Variants in TEX14 observed in about 807,000 individuals in gnomAD.
TEX14 encodes the protein inactive serine/threonine-protein kinase TEX14.
Under a neutral mutation model 178.6 loss-of-function variants are expected in TEX14, and 168 were observed. That is an observed-to-expected ratio of 0.94 (90% CI 0.83 to 1.07). TEX14 has a LOEUF of 1.07. Among genes scored for constraint, TEX14 ranks in the 50% least tolerant of loss-of-function variants. The probability of loss-of-function intolerance (pLI) is 0.00; values close to 1 mark genes in which losing one functional copy is unlikely to be tolerated. For synonymous variants in TEX14, 626 were observed against 634.1 expected (o/e 0.99, Z 0.19); for missense variants, 1,730 against 1,753.6 (o/e 0.99, Z 0.24).
intron 14 of TEX14, among the ~76,000 whole-genome samples, chr17:58,596,140 G>A (rs925022041): frequency 6.6e-6 from 1 of 151,982 alleles, no homozygotes; most frequent in Non-Finnish European, 1.5e-5. Context: ...CTGAGATGGT[G>A]CCACTGCACT....
intron 3 of TEX14, among the ~76,000 whole-genome samples, chr17:58,628,349 C>T (rs866869487): frequency 7.9e-5 from 12 of 152,152 alleles, no homozygotes; most frequent in South Asian, 6.2e-4. Context: ...GAGACTGAGG[C>T]GGGCGGACCA....
At chr17:58,574,675 CAAAA>C (rs1177255314) in intron 21 of TEX14, among the ~76,000 whole-genome samples, 1 of 43,890 alleles carries the variant, frequency 2.3e-5, no homozygotes, top group Non-Finnish European at 4.0e-5. Context: ...ACTCCATCTC[CAAAA>C]AAAAAAAAAA....
chr17:58,585,197 G>A (rs1358485676), intron 18 of TEX14, among the ~76,000 whole-genome samples: 2 of 152,110 alleles, frequency 1.3e-5, no homozygotes, highest in African/African-American at 4.8e-5. Context: ...AAGAAGGATC[G>A]ATTCCTCGCC....
chr17:58,691,236 G>T (rs2047711145), intron 1 of TEX14, among the ~76,000 whole-genome samples: 1 of 152,072 alleles, frequency 6.6e-6, no homozygotes, highest in Non-Finnish European at 1.5e-5. Context: ...GCATGGCTAT[G>T]GCCATTTGAA....
At chr17:58,595,750 A>G (rs2045264101) in intron 14 of TEX14, among the ~76,000 whole-genome samples, 1 of 152,254 alleles carries the variant, frequency 6.6e-6, no homozygotes, top group Admixed American at 6.5e-5. Context: ...CATGTGGAAC[A>G]GAAGATCCAC....
At chr17:58,636,744 C>G (rs1327654868) in intron 2 of TEX14, among the ~76,000 whole-genome samples, 1 of 151,852 alleles carries the variant, frequency 6.6e-6, no homozygotes. Context: ...GAAACCCTGT[C>G]TCTACTAAAA....
At position 58,611,331 on chromosome 17, in the gene TEX14, C is replaced by T. The variant is rs1183257078; in HGVS notation, c.1014G>A (p.Gln338=). The T allele has an allele frequency of 6.2e-7, 1 of 1,611,602 alleles. No homozygotes were observed. Among genetic ancestry groups the T allele is most frequent in the Non-Finnish European group, 8.5e-7 (1 of 1,178,570 alleles). Residue 338 remains glutamine (Q), a synonymous_variant, in exon 10 of 32, where the codon CAG becomes CAA. Transcript: ENST00000349033. ...LFSVLHERRS[Q]FPVLHMEVIV... ...TCACCTCCATGTGCAGCACTGGGAA[C>T]TGGGACCGCTGCAAGCAAGAGATGA...
In TEX14 at chr17:58,616,226, T is replaced by G; in HGVS notation, c.716A>C (p.Asp239Ala). The change falls in exon 7 of 32, where the codon GAT (aspartate) becomes GCT (alanine). Residue 239 changes from aspartate to alanine, a missense_variant. By Grantham distance (126) the Asp-to-Ala change is moderately radical (BLOSUM62 -2). Around this residue, in one of 2 missense-constraint regions of TEX14, gnomAD observed 789 missense variants for 681.2 expected, o/e 1.16. Transcript: ENST00000349033. ...VIGEKEVIQA[D>A]DEPTFSFFSG... is the part of the protein sequence containing the mutation. ...GAAGAAAGAGAAGGTGGGCTCATCATCAGCTTGAATCACTTCCTTTTCTCC... is the reference window on the plus strand; with the variant it reads ...GAAGAAAGAGAAGGTGGGCTCATCAGCAGCTTGAATCACTTCCTTTTCTCC... The G allele has an allele frequency of 1.9e-6, 3 of 1,614,014 alleles. No individual in the cohort carries two copies. Among genetic ancestry groups the G allele is most frequent in the Non-Finnish European group, 1.7e-6 (2 of 1,179,946 alleles).
rs2044144981 is a variant in TEX14, at chr17:58,556,820, A to T, written c.*191T>A. 1 of 491,226 alleles carries T rather than the reference A, an allele frequency of 2.0e-6. No homozygotes were observed. Among genetic ancestry groups the T allele is most frequent in the Non-Finnish European group, 3.6e-6 (1 of 274,312 alleles). The allele number at this position is 491,226 out of a possible 1,614,324, so 30.4% of individuals were successfully genotyped here. On this transcript the variant is annotated 3_prime_UTR_variant, in exon 32 of 32. Transcript: ENST00000349033. ...CTCTCACTTTTCAGAAATCTGACTG[A>T]AAACAAATGGTTGAATGTGCTGCTA...
chr17:58,677,584 T>G (rs772380304), intron 1 of TEX14: 1 of 152,162 alleles, frequency 6.6e-6, no homozygotes, highest in Non-Finnish European at 1.5e-5. Context: ...CAGGGGAAAG[T>G]GTGAACACAG....
At chr17:58,593,073 C>T (rs1269673785) in intron 15 of TEX14, among the ~76,000 whole-genome samples, 1 of 152,018 alleles carries the variant, frequency 6.6e-6, no homozygotes, top group Non-Finnish European at 1.5e-5. Flanking sequence ...CAAACACACA[C>T]ACACTCTTCT....
chr17:58,570,086 C>T (rs1409512467), intron 25 of TEX14, among the ~76,000 whole-genome samples: 1 of 151,718 alleles, frequency 6.6e-6, no homozygotes, highest in Non-Finnish European at 1.5e-5. Flanking sequence ...GGGAATAAAG[C>T]AGTCCAGAAC....
At position 58,577,442 on chromosome 17, in the gene TEX14, G is replaced by T; in HGVS notation, c.3253C>A (p.Gln1085Lys). 6.8e-7 allele frequency: 1 copy of T among 1,475,216 alleles called. No individual in the cohort carries two copies. 91.4% of individuals were successfully genotyped at this position (1,475,216 alleles called of 1,614,324 possible). A position where few individuals can be genotyped will look rare whatever the true frequency, so the allele number is the denominator to read the frequency against. Residue 1085 changes from glutamine to lysine, a missense_variant, in exon 21 of 32, where the codon CAA becomes AAA. By Grantham distance (53) the Gln-to-Lys change is moderately conservative. Transcript: ENST00000349033. ...TTCTTTCCAAGAATTTTTCTCATTTGGAACTTTTCCTCACCTGAAAGAATA... is the reference window on the plus strand; with the variant it reads ...TTCTTTCCAAGAATTTTTCTCATTTTGAACTTTTCCTCACCTGAAAGAATA... ...QPQVSGEEKF[Q>K]MRKILGKNAE...
In TEX14 at chr17:58,617,524, T is replaced by A. The variant is rs372479271; in HGVS notation, c.636+14A>T. 1.9e-6 allele frequency: 3 copies of A among 1,607,944 alleles called. No homozygotes were observed. In the African/African-American group the frequency reaches 4.0e-5, roughly 22 times the overall value. On this transcript the variant is annotated intron_variant, in intron 6 of 31. Coordinates refer to ENST00000349033, the MANE Select transcript of TEX14 (RefSeq NM_031272.5). Reference sequence around the variant, plus strand: ...TAGTCCTGCAAACACTGGCTGTCAGTGGCAACCTCTTACCTTCCCAAAACC... The same window carrying A: ...TAGTCCTGCAAACACTGGCTGTCAGAGGCAACCTCTTACCTTCCCAAAACC...
chr17:58,642,318 A>T (rs754954783), intron 2 of TEX14, among the ~76,000 whole-genome samples: 8 of 152,160 alleles, frequency 5.3e-5, no homozygotes, highest in Non-Finnish European at 1.2e-4. Flanking sequence ...CACAAATGTG[A>T]CCATCAGGTT....
intron 8 of TEX14, among the ~76,000 whole-genome samples, chr17:58,614,918 G>A (rs891200302): frequency 6.6e-6 from 1 of 152,182 alleles, no homozygotes; most frequent in Non-Finnish European, 1.5e-5. Flanking sequence ...CAAAGTGGGT[G>A]GACTCAGGGA....
At position 58,569,468 on chromosome 17, in the gene TEX14, T is replaced by C. The variant is rs1013678726; in HGVS notation, c.3818-208A>G. The stretch of plus-strand genomic sequence containing the variant: ...TACTCCCCACTTCTACCCCAATCCC[T>C]TTCCTTTCCTACATCAGCCCTTACC... On this transcript the variant is annotated intron_variant, in intron 25 of 31. Coordinates refer to ENST00000349033, the MANE Select transcript of TEX14 (RefSeq NM_031272.5). This position sits in a 1 kb window ranked among gnomAD's most constrained non-coding sequence, Gnocchi z 4.1. Among the ~76,000 whole-genome samples the C allele has an allele frequency of 2.0e-5, 3 of 152,132 alleles. No homozygotes were observed. Among genetic ancestry groups the C allele is most frequent in the Non-Finnish European group, 4.4e-5 (3 of 68,012 alleles).
At chr17:58,573,047 TTTTGGCCCTAA>T in intron 23 of TEX14, 123 bp downstream of exon 23, 1 of 1,265,698 alleles carries the variant, frequency 7.9e-7, no homozygotes. Flanking sequence ...GATTACCCAG[TTTTGGCCCTAA>T]AGAAAAACCT....
chr17:58,616,200 T>C lies in TEX14; in HGVS notation c.742A>G (p.Ser248Gly), dbSNP rs372057202. Residue 248 changes from serine (S) to glycine (G), a missense_variant, in exon 7 of 32, where the codon AGC becomes GGC. Ser to Gly is a moderately conservative substitution (Grantham distance 56). Around this residue, in one of 2 missense-constraint regions of TEX14, gnomAD observed 789 missense variants for 681.2 expected, o/e 1.16. Coordinates refer to ENST00000349033, the MANE Select transcript of TEX14 (RefSeq NM_031272.5). ...ADDEPTFSFF[S>G]GPYMVMTNLV... The stretch of plus-strand genomic sequence containing the variant: ...TTGGTCATGACCATGTAGGGGCCGC[T>C]GAAGAAAGAGAAGGTGGGCTCATCA... 1.2e-6 allele frequency: 2 copies of C among 1,613,748 alleles called. No homozygotes were observed. The highest frequency in any genetic ancestry group is 8.5e-7 in the Non-Finnish European group (1 of 1,179,916).
Sources: allele counts gnomAD v4.1 joint callset (sites outside exome capture counted in the v4.1 genomes callset), GRCh38; gene constraint gnomAD v4.1.1; regional missense constraint gnomAD v4.1.1; non-coding constraint Gnocchi (gnomAD v3.1); transcripts MANE v1.5; gene names NCBI Gene and HGNC (gene_info 2026-07-23, HGNC 2026-07-21).